PLEKHA3: variants seen among roughly 807,000 people sequenced by gnomAD.
PLEKHA3 encodes pleckstrin homology domain containing A3, also known as pleckstrin homology domain-containing family A member 3.
PLEKHA3 carries 19 observed loss-of-function variants against 39.2 expected under a neutral mutation model. The ratio of observed to expected loss-of-function variants is 0.48; its 90% CI spans 0.34 to 0.71. The LOEUF is 0.71. Among genes scored for constraint, PLEKHA3 ranks in the 30% least tolerant of loss-of-function variants. The probability of loss-of-function intolerance (pLI) is 0.01; values close to 1 mark genes in which losing one functional copy is unlikely to be tolerated. For missense variants in PLEKHA3, 253 were observed against 359.5 expected, an observed-to-expected ratio of 0.70 and a Z score of 2.40; for synonymous variants, 97 against 118.6, an observed-to-expected ratio of 0.82 and a Z score of 1.18.
Position 178,480,842 on chromosome 2 carries a change from G to T in PLEKHA3, c.-28G>T. On this transcript the variant is annotated 5_prime_UTR_variant, in exon 1 of 8. Transcript: ENST00000234453. The stretch of plus-strand genomic sequence containing the variant: ...ATCACCGCGGCCGGCGCCGGGCCGG[G>T]AGGATGCGCGGTGTGGGGCTCTGAA... 2 of 1,319,232 alleles carry T rather than the reference G, an allele frequency of 1.5e-6. No individual in the cohort carries two copies. Among genetic ancestry groups the T allele is most frequent in the Non-Finnish European group, 1.9e-6 (2 of 1,025,908 alleles). 81.7% of individuals were successfully genotyped at this position (1,319,232 alleles called of 1,614,324 possible). A position where few individuals can be genotyped will look rare whatever the true frequency, so the allele number is the denominator to read the frequency against.
intron 1 of PLEKHA3, among the ~76,000 whole-genome samples, chr2:178,482,927 A>G (rs1685195598): frequency 6.6e-6 from 1 of 152,182 alleles, no homozygotes. Flanking sequence ...AGGTCATAAG[A>G]ATGAGCAGCT....
intron 2 of PLEKHA3, chr2:178,488,911 T>A: frequency 2.3e-6 from 1 of 429,480 alleles, no homozygotes; most frequent in East Asian, 7.3e-5. Context: ...TTTAGAGGTC[T>A]TGTCCATCTT....
Position 178,514,034 on chromosome 2 carries a change from A to G in PLEKHA3, c.*10147A>G, listed in dbSNP as rs949056114. ...CGGGTGATTGTCCATAGCCTCTTGC[A>G]ATGGTGCCTCATCTTGGGGAGGCTT... On this transcript the variant is annotated 3_prime_UTR_variant, in exon 8 of 8. Transcript: ENST00000234453. The G allele has an allele frequency of 6.6e-6, 1 of 152,080 alleles. No individual in the cohort carries two copies. Among genetic ancestry groups the G allele is most frequent in the African/African-American group, 2.4e-5 (1 of 41,386 alleles). 9.4% of individuals were successfully genotyped at this position (152,080 alleles called of 1,614,324 possible).
Position 178,511,066 on chromosome 2 carries a change from T to C in PLEKHA3, c.*7179T>C, listed in dbSNP as rs1258268034. 6.6e-6 allele frequency: 1 copy of C among 152,226 alleles called. No individual in the cohort carries two copies. Among genetic ancestry groups the C allele is most frequent in the African/African-American group, 2.4e-5 (1 of 41,456 alleles). 9.4% of individuals were successfully genotyped at this position (152,226 alleles called of 1,614,324 possible). A position where few individuals can be genotyped will look rare whatever the true frequency, so the allele number is the denominator to read the frequency against. ...TGTGTCTGGATTCAGAGAGGTATGATAATGAGATTCTCTTCTAGAGGGGAA... is the reference window on the plus strand; with the variant it reads ...TGTGTCTGGATTCAGAGAGGTATGACAATGAGATTCTCTTCTAGAGGGGAA... On this transcript the variant is annotated 3_prime_UTR_variant, in exon 8 of 8. Coordinates refer to ENST00000234453, the MANE Select transcript of PLEKHA3 (RefSeq NM_019091.4).
chr2:178,484,046 C>T (rs955533758), intron 1 of PLEKHA3, among the ~76,000 whole-genome samples: 1 of 152,236 alleles, frequency 6.6e-6, no homozygotes. Context: ...CACTGCACTT[C>T]AGCCTGGGCA....
intron 6 of PLEKHA3, 54 bp from the exon 7 acceptor site, chr2:178,501,007 G>A: frequency 2.8e-6 from 3 of 1,069,816 alleles, no homozygotes; most frequent in Non-Finnish European, 4.2e-6. Context: ...CCAGTTGAGT[G>A]TGTTTTTGTT....
chr2:178,488,985 G>T (rs1575142955), intron 2 of PLEKHA3: 1 of 457,302 alleles, frequency 2.2e-6, no homozygotes, highest in East Asian at 7.3e-5. Flanking sequence ...CTTTGGAGGG[G>T]ACCACCCTTG....
rs942141748 is a variant in PLEKHA3, at chr2:178,512,076, A to G, written c.*8189A>G. ...TGCAGCCAAGATGCACAGCACCAGG[A>G]TTAACTCATGAGACTGATTAGAATG... On this transcript the variant is annotated 3_prime_UTR_variant, in exon 8 of 8. Coordinates refer to ENST00000234453, the MANE Select transcript of PLEKHA3 (RefSeq NM_019091.4). The G allele has an allele frequency of 5.3e-5, 8 of 152,342 alleles. No homozygotes were observed. Among genetic ancestry groups the G allele is most frequent in the Admixed American group, 3.3e-4 (5 of 15,302 alleles). 9.4% of individuals were successfully genotyped at this position (152,342 alleles called of 1,614,324 possible).
intron 7 of PLEKHA3, chr2:178,502,449 G>A (rs1473111204): frequency 2.0e-5 from 7 of 351,930 alleles, no homozygotes; most frequent in African/African-American, 1.2e-4. Context: ...GAGGGTTAAA[G>A]AGGTTGAGTA....
intron 5 of PLEKHA3, among the ~76,000 whole-genome samples, chr2:178,496,678 G>A (rs892124814): frequency 5.9e-5 from 9 of 152,098 alleles, no homozygotes; most frequent in African/African-American, 2.2e-4. Flanking sequence ...GATATGAATT[G>A]GGTTTGATGG....
Position 178,501,144 on chromosome 2 carries a change from C to G in PLEKHA3, c.743C>G (p.Ser248Cys). 6.2e-7 allele frequency: 1 copy of G among 1,613,132 alleles called. No homozygotes were observed. The highest frequency in any genetic ancestry group is 1.3e-5 in the African/African-American group (1 of 74,978). Residue 248 changes from serine (S) to cysteine (C), a missense_variant, in exon 7 of 8, where the codon TCT (serine) becomes TGT (cysteine). By Grantham distance (112) the Ser-to-Cys change is moderately radical. Coordinates refer to ENST00000234453, the MANE Select transcript of PLEKHA3 (RefSeq NM_019091.4). ...CGAAGAACCTACTCAGATACAGATT[C>G]TTGTAGTGATATTCCTCTTGAAGAC... is the stretch of plus-strand genomic sequence containing the variant. ...RRRRTYSDTD[S>C]CSDIPLEDPD...
chr2:178,485,079 T>C (rs1436471205), intron 1 of PLEKHA3, among the ~76,000 whole-genome samples: 1 of 152,252 alleles, frequency 6.6e-6, no homozygotes, highest in Non-Finnish European at 1.5e-5. Flanking sequence ...CTTAGAAATA[T>C]GTATTTTATA....
intron 1 of PLEKHA3, chr2:178,481,854 G>C (rs904645454): frequency 7.8e-6 from 1 of 128,882 alleles, no homozygotes; most frequent in Non-Finnish European, 1.7e-5. Flanking sequence ...GGGGGGGGGG[G>C]TCTAGCATAA....
chr2:178,490,765 G>A lies in PLEKHA3; in HGVS notation c.264G>A (p.Leu88=). 6.2e-7 allele frequency: 1 copy of A among 1,613,998 alleles called. No individual in the cohort carries two copies. The highest frequency in any genetic ancestry group is 1.1e-5 in the South Asian group (1 of 91,062). Residue 88 remains leucine (L), a synonymous_variant, in exon 3 of 8, where the codon CTG becomes CTA. Coordinates refer to ENST00000234453, the MANE Select transcript of PLEKHA3 (RefSeq NM_019091.4). The part of the protein sequence containing the change: ...AAERQRWLVA[L]GSSKACLTDT... ...AAAGACAGAGGTGGCTGGTCGCTCT[G>A]GGGAGCTCCAAAGCATGTTTGACTG...
At position 178,480,971 on chromosome 2, in the gene PLEKHA3, C is replaced by G. The variant is rs1026644257; in HGVS notation, c.40+62C>G. The G allele has an allele frequency of 3.9e-6, 5 of 1,282,182 alleles. No individual in the cohort carries two copies. In the African/African-American group the frequency reaches 6.1e-5, roughly 16 times the overall value. 79.4% of individuals were successfully genotyped at this position (1,282,182 alleles called of 1,614,324 possible). A position where few individuals can be genotyped will look rare whatever the true frequency, so the allele number is the denominator to read the frequency against. On this transcript the variant is annotated intron_variant, in intron 1 of 7. Coordinates refer to ENST00000234453, the MANE Select transcript of PLEKHA3 (RefSeq NM_019091.4). ...GCGGGGGGCTGCTGAGAAGGCGGGTCGGGGCTCCTCTTCCTCCGTCTGGCC... is the reference window on the plus strand; with the variant it reads ...GCGGGGGGCTGCTGAGAAGGCGGGTGGGGGCTCCTCTTCCTCCGTCTGGCC...
intron 3 of PLEKHA3, among the ~76,000 whole-genome samples, chr2:178,492,152 C>G (rs1258548406): frequency 6.6e-6 from 1 of 151,510 alleles, no homozygotes; most frequent in South Asian, 2.1e-4. Flanking sequence ...GTATGTATTA[C>G]TTATATAATT....
At position 178,509,099 on chromosome 2, in the gene PLEKHA3, G is replaced by A. The variant is rs1685644853; in HGVS notation, c.*5212G>A. On this transcript the variant is annotated 3_prime_UTR_variant, in exon 8 of 8. Transcript: ENST00000234453. ...TTGCACTTCCTCCTGGTTTTTATCTGTATAAACTTTGTTAAAATCTCATGG... is the reference window on the plus strand; with the variant it reads ...TTGCACTTCCTCCTGGTTTTTATCTATATAAACTTTGTTAAAATCTCATGG... The A allele has an allele frequency of 6.5e-6, 1 of 153,350 alleles. No individual in the cohort carries two copies. Among genetic ancestry groups the A allele is most frequent in the Admixed American group, 6.5e-5 (1 of 15,276 alleles). 9.5% of individuals were successfully genotyped at this position (153,350 alleles called of 1,614,324 possible).
chr2:178,490,579 C>G, intron 2 of PLEKHA3, 80 bp from the exon 3 acceptor site: 1 of 1,374,938 alleles, frequency 7.3e-7, no homozygotes, highest in South Asian at 1.3e-5. Context: ...GCATCTGATA[C>G]TGTGTGATTA....
At chr2:178,499,740 A>G (rs1685500356) in intron 6 of PLEKHA3, among the ~76,000 whole-genome samples, 1 of 152,168 alleles carries the variant, frequency 6.6e-6, no homozygotes, top group South Asian at 2.1e-4. Context: ...CACATAGCCT[A>G]CATGTGTAGT....
Sources: gnomAD v4.1 joint callset for allele counts (sites outside exome capture counted in the v4.1 genomes callset) on GRCh38, gnomAD v4.1.1 for gene constraint, MANE v1.5 for transcripts, NCBI Gene and HGNC (gene_info 2026-07-23, HGNC 2026-07-21) for gene names.